Variants in INTS3 observed in about 807,000 individuals in gnomAD.
INTS3 encodes the protein SOSS complex subunit A.
A neutral mutation model predicts 146.3 loss-of-function variants in INTS3; 34 were observed. The observed-to-expected ratio is 0.23, with a 90% CI of 0.18 to 0.31. The LOEUF is 0.31. Among genes scored for constraint, INTS3 ranks in the 10% least tolerant of loss-of-function variants. INTS3 has a pLI of 1.00. For synonymous variants in INTS3, 475 were observed against 494.9 expected (o/e 0.96, Z 0.53); for missense variants, 757 against 1,304.2 (o/e 0.58, Z 6.46).
intron 8 of INTS3, among the ~76,000 whole-genome samples, chr1:153,752,690 G>A (rs1265938090): frequency 6.6e-6 from 1 of 152,128 alleles, no homozygotes; most frequent in Non-Finnish European, 1.5e-5. Flanking sequence ...CCTCTTCCTG[G>A]CAGCTCCTTG....
Position 153,760,468 on chromosome 1 carries a change from C to T in INTS3, c.1317+78C>T, listed in dbSNP as rs573760133. 2.1e-4 allele frequency: 247 copies of T among 1,201,480 alleles called. 1 individual carries two copies. In the African/African-American group the frequency reaches 2.9e-3, roughly 14 times the overall value. 74.4% of individuals were successfully genotyped at this position (1,201,480 alleles called of 1,614,324 possible). A position where few individuals can be genotyped will look rare whatever the true frequency, so the allele number is the denominator to read the frequency against. On this transcript the variant is annotated intron_variant, in intron 12 of 29. Coordinates refer to ENST00000318967, the MANE Select transcript of INTS3 (RefSeq NM_023015.5). ...GTATCTCCCCTAATCTCCCAGTGAA[C>T]GGGTCTTCTCGGTATGCCTTGACTG...
chr1:153,765,360 T>A (rs1015469415), intron 20 of INTS3, among the ~76,000 whole-genome samples: 12 of 152,248 alleles, frequency 7.9e-5, no homozygotes, highest in African/African-American at 2.4e-4. Flanking sequence ...GATAATTTTT[T>A]AAAATTTTTT....
chr1:153,746,920 C>T lies in INTS3; in HGVS notation c.319-37C>T, dbSNP rs201960890. On this transcript the variant is annotated intron_variant, in intron 3 of 29. Transcript: ENST00000318967. ...GTGGGTGGGGTGAGGACCTTATCCT[C>T]AGCTTGCTGGCTGATCACAAACTTT... is the stretch of plus-strand genomic sequence containing the variant. The T allele has an allele frequency of 8.5e-5, 123 of 1,444,162 alleles. No homozygotes were observed. The Admixed American group carries it at 1.5e-3, about 18-fold the overall frequency. 89.5% of individuals were successfully genotyped at this position (1,444,162 alleles called of 1,614,324 possible).
In INTS3 at chr1:153,751,856, T is replaced by C. The variant is rs191729676; in HGVS notation, c.730-423T>C. 5.5e-3 allele frequency among the ~76,000 whole-genome samples: 833 copies of C among 152,354 alleles called. 3 individuals are homozygous for C. Among genetic ancestry groups the C allele is most frequent in the Admixed American group, 7.2e-3 (111 of 15,312 alleles). Reference sequence around the variant, plus strand: ...GGGTTTCATTTAGACTACACAGATATAGACATTTCTACCACAGAATCGGAC... The same window carrying C: ...GGGTTTCATTTAGACTACACAGATACAGACATTTCTACCACAGAATCGGAC... On this transcript the variant is annotated intron_variant, in intron 7 of 29. Coordinates refer to ENST00000318967, the MANE Select transcript of INTS3 (RefSeq NM_023015.5).
At chr1:153,768,872 C>T (rs1489073840) in intron 21 of INTS3, 21 bp from the exon 22 acceptor site, 11 of 1,602,630 alleles carry the variant, frequency 6.9e-6, no homozygotes, top group Non-Finnish European at 9.4e-6. Flanking sequence ...CAGGACTCTT[C>T]CCCTCTCTTT....
intron 11 of INTS3, 178 bp downstream of exon 11, chr1:153,759,791 G>C: frequency 1.7e-6 from 1 of 603,244 alleles, no homozygotes; most frequent in Non-Finnish European, 3.0e-6. Flanking sequence ...GCTTTGATAA[G>C]GCTAAGCCAT....
Position 153,770,680 on chromosome 1 carries a change from C to G in INTS3, c.2504-5C>G. On this transcript the variant is annotated splice_polypyrimidine_tract_variant and splice_region_variant and intron_variant, in intron 24 of 29. Transcript: ENST00000318967. ...CCCTGAACAGCCTCTGCCCTTCCCT[C>G]ACAGAGCACCCAGAGGCCCTGTCCT... is the stretch of plus-strand genomic sequence containing the variant. The G allele has an allele frequency of 6.2e-7, 1 of 1,613,262 alleles. No individual in the cohort carries two copies. The highest frequency in any genetic ancestry group is 8.5e-7 in the Non-Finnish European group (1 of 1,179,248).
intron 17 of INTS3, 24 bp downstream of exon 17, chr1:153,763,910 G>A: frequency 6.2e-7 from 1 of 1,609,342 alleles, no homozygotes; most frequent in East Asian, 2.2e-5. Context: ...CAATCCCTTA[G>A]GGAGGAAGCA....
chr1:153,743,407 G>GCT (rs1453657028), intron 3 of INTS3, among the ~76,000 whole-genome samples: 3 of 152,316 alleles, frequency 2.0e-5, no homozygotes, highest in African/African-American at 7.2e-5. Context: ...ATAGAATACT[G>GCT]CTATAAGGAA....
rs772660375 is a variant in INTS3, at chr1:153,767,679, C to T, written c.2096C>T (p.Ala699Val). 8 of 1,584,440 alleles carry T rather than the reference C, an allele frequency of 5.0e-6. No individual in the cohort carries two copies. The Admixed American group carries it at 1.4e-4, about 27-fold the overall frequency. Residue 699 changes from alanine to valine, a missense_variant, in exon 21 of 30, where the codon GCC becomes GTC. By Grantham distance (64) the Ala-to-Val change is moderately conservative. Around this residue, in one of 8 missense-constraint regions of INTS3, gnomAD observed 89 missense variants for 210.9 expected, o/e 0.42. Transcript: ENST00000318967. ...HLLYYLRASK[A>V]AAGKMNLYES... ...AGGCCCAGCTGGTCTTGCAGCAAAG[C>T]CGCCGCAGGGAAGATGAACCTGTAC...
chr1:153,743,103 G>A (rs1328335944), intron 3 of INTS3, among the ~76,000 whole-genome samples: 3 of 152,222 alleles, frequency 2.0e-5, no homozygotes, highest in Non-Finnish European at 4.4e-5. Context: ...AATTAGTGAC[G>A]TATCTCCCTA....
rs545630031 is a variant in INTS3 at position 153,737,746 on chromosome 1, G to A, written c.151-2905G>A. 3.9e-5 allele frequency among the ~76,000 whole-genome samples: 6 copies of A among 152,090 alleles called. No individual in the cohort carries two copies. The South Asian group carries it at 6.2e-4, about 16-fold the overall frequency. On this transcript the variant is annotated intron_variant, in intron 1 of 29. Coordinates refer to ENST00000318967, the MANE Select transcript of INTS3 (RefSeq NM_023015.5). ...ACTCCTGACCTCAAGTGATCCTCCCGCCTCAGCCTCCAAAAGTGCTGGGAT... is the reference window on the plus strand; with the variant it reads ...ACTCCTGACCTCAAGTGATCCTCCCACCTCAGCCTCCAAAAGTGCTGGGAT...
chr1:153,768,639 C>T (rs1672694345), intron 21 of INTS3, among the ~76,000 whole-genome samples: 1 of 152,322 alleles, frequency 6.6e-6, no homozygotes, highest in East Asian at 1.9e-4. Context: ...TTTCTGTACA[C>T]ACATGCTTTG....
rs1242819272 is a variant in INTS3, at chr1:153,770,717, C to CA, written c.2538dup (p.Leu847ThrfsTer22). The CA allele has an allele frequency of 6.2e-7, 1 of 1,613,830 alleles. No homozygotes were observed. The highest frequency in any genetic ancestry group is 8.5e-7 in the Non-Finnish European group (1 of 1,179,684). On this transcript the variant is annotated frameshift_variant, in exon 25 of 30. Transcript: ENST00000318967. LOFTEE classifies it high-confidence loss of function. ...AGAGGCCCTGTCCTGCCTACTGCTT[C>CA]AACTCCGAAGAGAAAAGTGAGTTCC...
In INTS3 at chr1:153,763,332, G is replaced by A; in HGVS notation, c.1736G>A (p.Arg579Lys). 6.2e-7 allele frequency: 1 copy of A among 1,614,186 alleles called. No individual in the cohort carries two copies. The highest frequency in any genetic ancestry group is 8.5e-7 in the Non-Finnish European group (1 of 1,180,036). The change falls in exon 16 of 30, where the codon AGG (arginine) becomes AAG (lysine). Residue 579 changes from arginine (R) to lysine (K), a missense_variant. Physicochemically the swap from Arg to Lys is conservative, Grantham distance 26. Transcript: ENST00000318967. ...CTTGACCAGTTGGATGAGTCCCTGAGGGACAAAGTACTCCAGCTACAGAAG... is the reference window on the plus strand; with the variant it reads ...CTTGACCAGTTGGATGAGTCCCTGAAGGACAAAGTACTCCAGCTACAGAAG... ...PYLDQLDESL[R>K]DKVLQLQKGS...
In INTS3 at chr1:153,728,152, C is replaced by T. The variant is rs1272913968; in HGVS notation, c.-483C>T. 1 of 397,816 alleles carries T rather than the reference C, an allele frequency of 2.5e-6. No individual in the cohort carries two copies. The highest frequency in any genetic ancestry group is 4.4e-5 in the Admixed American group (1 of 22,666). 24.6% of individuals were successfully genotyped at this position (397,816 alleles called of 1,614,324 possible). A position where few individuals can be genotyped will look rare whatever the true frequency, so the allele number is the denominator to read the frequency against. On this transcript the variant is annotated 5_prime_UTR_variant, in exon 1 of 30. Coordinates refer to ENST00000318967, the MANE Select transcript of INTS3 (RefSeq NM_023015.5). ...TAGCGCTTATTGCCTCACCCTCACC[C>T]CCTAGGGGCCGGATCCAAAGGCGCT...
chr1:153,768,344 G>A (rs1381431546), intron 21 of INTS3, among the ~76,000 whole-genome samples: 2 of 152,178 alleles, frequency 1.3e-5, no homozygotes, highest in Non-Finnish European at 2.9e-5. Context: ...AGGACCCAGG[G>A]CATGACAGGA....
At chr1:153,751,807 T>C (rs1179748079) in intron 7 of INTS3, among the ~76,000 whole-genome samples, 3 of 152,208 alleles carry the variant, frequency 2.0e-5, no homozygotes, top group Admixed American at 6.5e-5. Flanking sequence ...ACTTCTCTAG[T>C]TGCATTAGCT....
intron 1 of INTS3, among the ~76,000 whole-genome samples, chr1:153,735,306 A>G (rs1209147109): frequency 6.6e-6 from 1 of 152,260 alleles, no homozygotes; most frequent in South Asian, 2.1e-4. Context: ...GTGAGGCTGT[A>G]TGCTAGGTGC....
Sources: allele counts gnomAD v4.1 joint callset (sites outside exome capture counted in the v4.1 genomes callset), GRCh38; gene constraint gnomAD v4.1.1; regional missense constraint gnomAD v4.1.1; transcripts MANE v1.5; gene names NCBI Gene and HGNC (gene_info 2026-07-23, HGNC 2026-07-21).